GRIA3: variants seen among roughly 807,000 people sequenced by gnomAD.
GRIA3 encodes glutamate receptor 3.
In GRIA3, 3 loss-of-function variants were observed where a neutral mutation model predicts 63.0. The ratio of observed to expected loss-of-function variants is 0.05; its 90% CI spans 0.02 to 0.12. The LOEUF (loss-of-function observed/expected upper bound fraction) is 0.12, where lower values mean the gene tolerates loss of function less well. Ranked by LOEUF, GRIA3 falls within the 10% of genes least tolerant of loss-of-function variation. The pLI is 1.00. For synonymous variants in GRIA3, 274 were observed against 257.9 expected (o/e 1.06, Z -0.60); for missense variants, 347 against 700.9 (o/e 0.50, Z 5.70).
intron 5 of GRIA3, among the ~76,000 whole-genome samples, chrX:123,382,364 G>C (rs192928942): frequency 9.0e-6 from 1 of 111,523 alleles, no homozygotes; most frequent in Admixed American, 9.6e-5. Flanking sequence ...CTGTGCTGCT[G>C]TGGACACATT....
chrX:123,395,207 C>A (rs752512810), intron 6 of GRIA3, 78 bp downstream of exon 6: 4 of 852,255 alleles, frequency 4.7e-6, no homozygotes, highest in Non-Finnish European at 5.3e-6. Context: ...CACTAACAGT[C>A]ATCTTATGAT....
rs713283 is a variant in GRIA3 at position 123,327,826 on chromosome X, C to T, written c.696+1613C>T. Among the ~76,000 whole-genome samples the T allele has an allele frequency of 4.7e-3, 457 of 96,832 alleles. 1 individual carries two copies. The highest frequency in any genetic ancestry group is 0.017 in the African/African-American group (417 of 24,929). The allele number at this position is 96,832 out of a possible 115,157, so 84.1% of individuals were successfully genotyped here. On this transcript the variant is annotated intron_variant, in intron 4 of 15. Coordinates refer to ENST00000620443, the MANE Select transcript of GRIA3 (RefSeq NM_007325.5). ...TACACAAATGATCTACCTGCCCCTT[C>T]CCCCCCACAAAAAAAAAAATACCTT... is the stretch of plus-strand genomic sequence containing the variant.
intron 5 of GRIA3, among the ~76,000 whole-genome samples, chrX:123,375,518 A>C (rs1426979591): frequency 2.7e-5 from 3 of 112,137 alleles, no homozygotes; most frequent in African/African-American, 9.7e-5. Context: ...TACGATAGGA[A>C]AATGAGCAGG....
At chrX:123,254,987 G>A (rs1449647153) in intron 3 of GRIA3, among the ~76,000 whole-genome samples, 2 of 111,676 alleles carry the variant, frequency 1.8e-5, no homozygotes, top group Non-Finnish European at 3.8e-5. Context: ...CATTCTACAA[G>A]CCATTATCAA....
At chrX:123,206,412 G>A (rs1007948581) in intron 2 of GRIA3, among the ~76,000 whole-genome samples, 3 of 112,044 alleles carry the variant, frequency 2.7e-5, no homozygotes, top group South Asian at 3.8e-4. Context: ...TAGTAGAGTC[G>A]TCAGCGAGAT....
intron 3 of GRIA3, among the ~76,000 whole-genome samples, chrX:123,302,296 G>A (rs930554618): frequency 8.9e-6 from 1 of 111,893 alleles, no homozygotes; most frequent in Non-Finnish European, 1.9e-5. Flanking sequence ...GAGTCAGTCA[G>A]TATCCTTCTC....
chrX:123,267,236 T>C (rs2044493534), intron 3 of GRIA3, among the ~76,000 whole-genome samples: 1 of 111,954 alleles, frequency 8.9e-6, no homozygotes, highest in African/African-American at 3.2e-5. Context: ...TTGAGTAGGC[T>C]GTGTCCTCAG....
intron 3 of GRIA3, among the ~76,000 whole-genome samples, chrX:123,290,300 G>A (rs1362814640): frequency 8.9e-6 from 1 of 111,799 alleles, no homozygotes; most frequent in African/African-American, 3.2e-5. Flanking sequence ...CCGAGTTTTT[G>A]CTTTTTGGTT....
rs139958477 is a variant in GRIA3 at position 123,208,677 on chromosome X, C to A, written c.268+22687C>A. Among the ~76,000 whole-genome samples, 790 of 111,988 alleles carry A rather than the reference C, an allele frequency of 7.1e-3. 9 individuals are homozygous for A. The highest frequency in any genetic ancestry group is 0.024 in the African/African-American group (737 of 30,781). On this transcript the variant is annotated intron_variant, in intron 2 of 15. Transcript: ENST00000620443. Reference sequence around the variant, plus strand: ...ATTGAATCTCTGGGATATAAAGGACCTTAAAGGTCATCTTTTCCCACCTAC... The same window carrying A: ...ATTGAATCTCTGGGATATAAAGGACATTAAAGGTCATCTTTTCCCACCTAC...
rs1026756953 is a variant in GRIA3, at chrX:123,436,156, C to T, written c.2076+8017C>T. ...AGTTTACCTATGTTATAAACCTGCA[C>T]ATCCTGCACATGTATCCTGGAACTT... is the stretch of plus-strand genomic sequence containing the variant. On this transcript the variant is annotated intron_variant, in intron 12 of 15. Coordinates refer to ENST00000620443, the MANE Select transcript of GRIA3 (RefSeq NM_007325.5). 8.1e-5 allele frequency among the ~76,000 whole-genome samples: 9 copies of T among 111,005 alleles called. No individual in the cohort carries two copies. The East Asian group carries it at 8.5e-4, about 10-fold the overall frequency.
intron 5 of GRIA3, among the ~76,000 whole-genome samples, chrX:123,366,711 T>G (rs192687305): frequency 9.9e-5 from 11 of 111,338 alleles, no homozygotes; most frequent in Middle Eastern, 4.7e-3. Context: ...CAAGCTGATA[T>G]GGGGTTGCTA....
intron 2 of GRIA3, among the ~76,000 whole-genome samples, chrX:123,237,778 A>G (rs956974731): frequency 2.7e-5 from 3 of 111,973 alleles, no homozygotes; most frequent in Non-Finnish European, 5.6e-5. Flanking sequence ...ATGAAACTAC[A>G]TTCTAAGAGT....
At chrX:123,368,624 C>T (rs979527662) in intron 5 of GRIA3, among the ~76,000 whole-genome samples, 20 of 110,940 alleles carry the variant, frequency 1.8e-4, no homozygotes, top group African/African-American at 6.6e-4. Flanking sequence ...AAATATCTGT[C>T]TCTACATATT....
At chrX:123,435,628 T>G (rs1303102066) in intron 12 of GRIA3, among the ~76,000 whole-genome samples, 2 of 112,115 alleles carry the variant, frequency 1.8e-5, no homozygotes, top group East Asian at 5.6e-4. Flanking sequence ...ACACTTCCCA[T>G]GCTCTGACAA....
intron 4 of GRIA3, among the ~76,000 whole-genome samples, chrX:123,328,054 T>G (rs1397564937): frequency 9.0e-6 from 1 of 111,697 alleles, no homozygotes. Flanking sequence ...ATATCTTATA[T>G]TCTGTTAAAG....
intron 1 of GRIA3, 72 bp downstream of exon 1, chrX:123,184,716 C>T: frequency 1.3e-6 from 1 of 751,588 alleles, no homozygotes; most frequent in South Asian, 2.1e-5. Flanking sequence ...CAAGGCTTTC[C>T]CTGCGGTGGG....
chrX:123,340,417 A>G (rs1254165221), intron 4 of GRIA3, among the ~76,000 whole-genome samples: 2 of 112,429 alleles, frequency 1.8e-5, no homozygotes, highest in African/African-American at 6.5e-5. Flanking sequence ...CCTGTCCTCA[A>G]AGACATATCA....
chrX:123,415,057 A>G (rs1211775576), intron 10 of GRIA3, among the ~76,000 whole-genome samples: 1 of 112,040 alleles, frequency 8.9e-6, no homozygotes, highest in African/African-American at 3.2e-5. Context: ...AAGCGTTCCT[A>G]TTTCTCCACA....
chrX:123,350,365 T>C (rs1367045505), intron 4 of GRIA3, among the ~76,000 whole-genome samples: 1 of 111,151 alleles, frequency 9.0e-6, no homozygotes, highest in Non-Finnish European at 1.9e-5. Context: ...CTAATCTGCA[T>C]ACCAGATGGA....
Sources: gnomAD v4.1 joint callset for allele counts (sites outside exome capture counted in the v4.1 genomes callset) on GRCh38, gnomAD v4.1.1 for gene constraint, MANE v1.5 for transcripts, NCBI Gene and HGNC (gene_info 2026-07-23, HGNC 2026-07-21) for gene names.